IFT43: variants seen among roughly 807,000 people sequenced by gnomAD.
IFT43 encodes the protein intraflagellar transport 43.
A neutral mutation model predicts 32.3 loss-of-function variants in IFT43; 33 were observed. The ratio of observed to expected loss-of-function variants is 1.02; its 90% confidence interval spans 0.77 to 1.37. The LOEUF (loss-of-function observed/expected upper bound fraction) is 1.37. Ranked by LOEUF, IFT43 falls within the 40% of genes most tolerant of loss-of-function variation. The probability of loss-of-function intolerance (pLI) is 0.00; values close to 1 mark genes in which losing one functional copy is unlikely to be tolerated. For missense variants in IFT43, 274 were observed against 265.9 expected (o/e 1.03, Z -0.21); for synonymous variants, 93 against 98.2 (o/e 0.95, Z 0.31).
chr14:76,036,953 G>A (rs937506911), intron 3 of IFT43, among the ~76,000 whole-genome samples: 4 of 151,962 alleles, frequency 2.6e-5, no homozygotes, highest in East Asian at 3.9e-4. Flanking sequence ...CCAGCCTCCC[G>A]ATTAGCTAGG....
At chr14:76,015,226 A>G (rs1429992878) in intron 2 of IFT43, among the ~76,000 whole-genome samples, 1 of 152,214 alleles carries the variant, frequency 6.6e-6, no homozygotes. Flanking sequence ...GTTTACAAAA[A>G]TATTGCTAAT....
intron 5 of IFT43, among the ~76,000 whole-genome samples, chr14:76,081,308 G>A (rs1177111344): frequency 6.6e-6 from 1 of 152,170 alleles, no homozygotes; most frequent in Non-Finnish European, 1.5e-5. Flanking sequence ...TCTACCTTTG[G>A]GATTTCTCCT....
chr14:76,062,500 G>A lies in IFT43; in HGVS notation c.295+3127G>A, dbSNP rs575928905. Among the ~76,000 whole-genome samples, 391 of 152,142 alleles carry A rather than the reference G, an allele frequency of 2.6e-3. 3 individuals are homozygous for A. Among genetic ancestry groups the A allele is most frequent in the South Asian group, 4.6e-3 (22 of 4,822 alleles). On this transcript the variant is annotated intron_variant, in intron 5 of 8. Coordinates refer to ENST00000314067, the MANE Select transcript of IFT43 (RefSeq NM_001102564.3). ...ACAGACACTCTTCAACTTACAGTCT[G>A]GATAAACCCATTGTGAGTTGAAAAT...
chr14:76,018,431 T>G (rs1474268857), intron 2 of IFT43, among the ~76,000 whole-genome samples: 1 of 152,194 alleles, frequency 6.6e-6, no homozygotes, highest in African/African-American at 2.4e-5. Flanking sequence ...TGATTTTGGT[T>G]TTTAAAAATT....
intron 3 of IFT43, among the ~76,000 whole-genome samples, chr14:76,045,185 G>A (rs28703572): frequency 0.017 from 2,598 of 152,172 alleles, 79 homozygotes; most frequent in African/African-American, 0.059. Flanking sequence ...CTTCTTTATA[G>A]CAAGAATTCT....
intron 2 of IFT43, among the ~76,000 whole-genome samples, chr14:75,999,245 A>ATTCATTTATATATAAATTCATTT (rs1566699198): frequency 0.018 from 416 of 22,646 alleles, 1 homozygote; most frequent in Non-Finnish European, 0.029. Flanking sequence ...ATATATATAT[A>ATTCATTTATATATAAATTCATTT]TATATATATA....
chr14:76,028,110 A>T (rs1220795972), intron 3 of IFT43, among the ~76,000 whole-genome samples: 5 of 152,088 alleles, frequency 3.3e-5, no homozygotes, highest in Non-Finnish European at 7.4e-5. Context: ...TCAAATTAGG[A>T]GGCATGTGAC....
At chr14:76,053,798 T>C (rs1002098421) in intron 3 of IFT43, among the ~76,000 whole-genome samples, 6 of 152,224 alleles carry the variant, frequency 3.9e-5, no homozygotes, top group Non-Finnish European at 7.3e-5. Flanking sequence ...TGTTTTACAT[T>C]TTGAATATTG....
At chr14:76,047,893 G>A (rs2036839887) in intron 3 of IFT43, among the ~76,000 whole-genome samples, 1 of 152,114 alleles carries the variant, frequency 6.6e-6, no homozygotes, top group Non-Finnish European at 1.5e-5. Context: ...GTGGGGGCCA[G>A]AATCAAGGGG....
chr14:76,060,534 C>CT (rs35513401), intron 5 of IFT43, among the ~76,000 whole-genome samples: 49,293 of 148,712 alleles, frequency 0.33, 9,303 homozygotes, highest in East Asian at 0.43. Context: ...TTGTCAAAGC[C>CT]TTTTTTTTTT....
At chr14:76,023,713 T>C (rs1369167495) in intron 3 of IFT43, among the ~76,000 whole-genome samples, 1 of 152,192 alleles carries the variant, frequency 6.6e-6, no homozygotes, top group African/African-American at 2.4e-5. Flanking sequence ...CTTTGGGATC[T>C]TTATGGTGCC....
intron 2 of IFT43, chr14:76,013,703 G>C: frequency 2.9e-6 from 1 of 344,036 alleles, no homozygotes. Flanking sequence ...GGCTGATGAA[G>C]GAGCTTGAAG....
chr14:76,067,802 TGGTGG>T (rs2140072007), intron 5 of IFT43, among the ~76,000 whole-genome samples: 1 of 152,160 alleles, frequency 6.6e-6, no homozygotes, highest in East Asian at 1.9e-4. Flanking sequence ...AAATAAAGGA[TGGTGG>T]GGTCTGTGGT....
intron 2 of IFT43, among the ~76,000 whole-genome samples, chr14:75,994,499 GGTT>G (rs1423961443): frequency 6.6e-6 from 1 of 152,100 alleles, no homozygotes; most frequent in Non-Finnish European, 1.5e-5. Flanking sequence ...ACTTTTTTAG[GGTT>G]GTTGTGAAGA....
chr14:76,082,627 A>G lies in IFT43; in HGVS notation c.379A>G (p.Lys127Glu), dbSNP rs767773484. 1 of 1,614,168 alleles carries G rather than the reference A, an allele frequency of 6.2e-7. No individual in the cohort carries two copies. Among genetic ancestry groups the G allele is most frequent in the Non-Finnish European group, 8.5e-7 (1 of 1,180,036 alleles). The change falls in exon 7 of 9, where the codon AAG (lysine) becomes GAG (glutamate). Residue 127 changes from lysine to glutamate, a missense_variant. Lys to Glu is a moderately conservative substitution (Grantham distance 56). Coordinates refer to ENST00000314067, the MANE Select transcript of IFT43 (RefSeq NM_001102564.3). ...CTCTCTTTCCTTCAGCATCCAGATAAAGCGGGTGATGACCTACCGTGACCT... is the reference window on the plus strand; with the variant it reads ...CTCTCTTTCCTTCAGCATCCAGATAGAGCGGGTGATGACCTACCGTGACCT... ...QVAAPPSIQIKRVMTYRDLDN... is the reference protein window; with the variant it reads ...QVAAPPSIQIERVMTYRDLDN...
chr14:76,055,328 A>G (rs1472406282), intron 3 of IFT43, among the ~76,000 whole-genome samples: 2 of 151,860 alleles, frequency 1.3e-5, no homozygotes, highest in Admixed American at 1.3e-4. Flanking sequence ...TCTGGGCCAC[A>G]GAGTGAGACC....
At chr14:76,060,070 G>A (rs1033496291) in intron 5 of IFT43, among the ~76,000 whole-genome samples, 8 of 152,174 alleles carry the variant, frequency 5.3e-5, no homozygotes, top group African/African-American at 1.9e-4. Context: ...TAAACGCAGG[G>A]AAAACAGTAC....
At chr14:76,009,960 A>C (rs1214086583) in intron 2 of IFT43, among the ~76,000 whole-genome samples, 1 of 152,038 alleles carries the variant, frequency 6.6e-6, no homozygotes, top group Admixed American at 6.6e-5. Context: ...GTGCCTGGCC[A>C]ATTTTTGTAT....
At chr14:75,997,725 T>A (rs1192742364) in intron 2 of IFT43, among the ~76,000 whole-genome samples, 2 of 151,874 alleles carry the variant, frequency 1.3e-5, no homozygotes, top group Non-Finnish European at 2.9e-5. Context: ...GTGAATAGAA[T>A]TCTATTAGAA....
Sources: gnomAD v4.1 joint callset for allele counts (sites outside exome capture counted in the v4.1 genomes callset) on GRCh38, gnomAD v4.1.1 for gene constraint, MANE v1.5 for transcripts, NCBI Gene and HGNC (gene_info 2026-07-23, HGNC 2026-07-21) for gene names.